SLC4A8: variants seen among roughly 807,000 people sequenced by gnomAD.
The protein encoded by SLC4A8 is solute carrier family 4 member 8.
Under a neutral mutation model 125.0 loss-of-function variants are expected in SLC4A8, and 40 were observed. The ratio of observed to expected loss-of-function variants is 0.32; its 90% CI spans 0.25 to 0.42. The LOEUF (loss-of-function observed/expected upper bound fraction) is 0.42. Among genes scored for constraint, SLC4A8 ranks in the 10% least tolerant of loss-of-function variants. The probability of loss-of-function intolerance (pLI) is 1.00; values close to 1 mark genes in which losing one functional copy is unlikely to be tolerated. For synonymous variants in SLC4A8, 456 were observed against 476.0 expected, an observed-to-expected ratio of 0.96 and a Z score of 0.55; for missense variants, 863 against 1,355.1, an observed-to-expected ratio of 0.64 and a Z score of 5.70.
At chr12:51,425,272 G>A (rs1385731959) in intron 1 of SLC4A8, 2 of 1,311,008 alleles carry the variant, frequency 1.5e-6, no homozygotes, top group Non-Finnish European at 9.7e-7. Flanking sequence ...CGCATCCCTT[G>A]CGCCGCCCGC....
intron 17 of SLC4A8, among the ~76,000 whole-genome samples, chr12:51,486,411 G>A (rs936820547): frequency 1.3e-4 from 20 of 152,238 alleles, no homozygotes; most frequent in Admixed American, 3.3e-4. Flanking sequence ...GGCCCCTGCC[G>A]GAGTAATCAT....
intron 16 of SLC4A8, chr12:51,480,221 G>A (rs1447652059): frequency 4.2e-5 from 53 of 1,258,268 alleles, no homozygotes; most frequent in Non-Finnish European, 5.5e-5. Context: ...TTACAAGCAT[G>A]AGCCTGGCCA....
chr12:51,447,714 C>CTTTT (rs1239053396), intron 2 of SLC4A8, among the ~76,000 whole-genome samples: 5 of 125,678 alleles, frequency 4.0e-5, no homozygotes, highest in African/African-American at 5.9e-5. Context: ...GGGATTTCCA[C>CTTTT]TTTTTTTTTT....
At chr12:51,478,197 C>T (rs1592251180) in intron 16 of SLC4A8, among the ~76,000 whole-genome samples, 2 of 151,862 alleles carry the variant, frequency 1.3e-5, no homozygotes, top group East Asian at 3.9e-4. Context: ...ATGGCATGAA[C>T]CTGAGAGGCG....
intron 17 of SLC4A8, 106 bp downstream of exon 17, chr12:51,486,006 C>T (rs1951153712): frequency 7.7e-6 from 5 of 651,054 alleles, no homozygotes; most frequent in Non-Finnish European, 1.4e-5. Flanking sequence ...TTTTACAGTC[C>T]CCTAAATCTG....
At chr12:51,493,955 A>T in intron 20 of SLC4A8, among the ~76,000 whole-genome samples, 183 bp downstream of exon 20, 1 of 152,240 alleles carries the variant, frequency 6.6e-6, no homozygotes. Flanking sequence ...TGTTGGCAGG[A>T]GAGTACAGAG....
chr12:51,501,028 A>G (rs1937854415), intron 22 of SLC4A8, among the ~76,000 whole-genome samples: 2 of 152,146 alleles, frequency 1.3e-5, no homozygotes, highest in African/African-American at 4.8e-5. Flanking sequence ...ACCGGGTTTC[A>G]CGGTGATAGC....
At position 51,450,993 on chromosome 12, in the gene SLC4A8, G is replaced by T; in HGVS notation, c.248G>T (p.Gly83Val). 6.4e-6 allele frequency: 10 copies of T among 1,557,866 alleles called. No homozygotes were observed. The highest frequency in any genetic ancestry group is 8.7e-6 in the Non-Finnish European group (10 of 1,149,534). ...GGGCGGGGCAAAGGAGCCAGCCAGG[G>T]GGAGGAAGGCCTGGAAGCCCTGGCC... ...RRGRGKGASQ[G>V]EEGLEALAHD... The change falls in exon 3 of 25, where the codon GGG becomes GTG. Residue 83 changes from glycine to valine, a missense_variant. Gly to Val is a moderately radical substitution (Grantham distance 109, BLOSUM62 -3). Around this residue, in one of 6 missense-constraint regions of SLC4A8, gnomAD observed 104 missense variants for 116.4 expected, o/e 0.89. Transcript: ENST00000453097.
intron 14 of SLC4A8, among the ~76,000 whole-genome samples, chr12:51,474,026 AAAAAAAC>A (rs1458392456): frequency 1.0e-3 from 21 of 20,812 alleles, no homozygotes; most frequent in African/African-American, 1.7e-3. Context: ...GGGCAAAAAC[AAAAAAAC>A]AAAACAAAAA....
intron 7 of SLC4A8, 99 bp from the exon 8 acceptor site, chr12:51,459,852 T>A: frequency 1.0e-6 from 1 of 1,004,174 alleles, no homozygotes; most frequent in Non-Finnish European, 1.5e-6. Context: ...GTGGGTGATG[T>A]AGTGAGACTC....
intron 19 of SLC4A8, among the ~76,000 whole-genome samples, chr12:51,491,562 G>T (rs972759298): frequency 6.6e-6 from 1 of 152,174 alleles, no homozygotes; most frequent in Admixed American, 6.5e-5. Flanking sequence ...TATCTGACAA[G>T]AGCAGAGTCA....
chr12:51,442,198 G>T (rs1170270218), intron 2 of SLC4A8, among the ~76,000 whole-genome samples: 1 of 152,184 alleles, frequency 6.6e-6, no homozygotes, highest in Non-Finnish European at 1.5e-5. Flanking sequence ...CACACAGCCT[G>T]CAAGAGAGGA....
intron 12 of SLC4A8, among the ~76,000 whole-genome samples, chr12:51,470,115 A>G (rs780402984): frequency 6.6e-6 from 1 of 152,204 alleles, no homozygotes. Context: ...GAATGGTATC[A>G]CTGTGCTTTC....
chr12:51,489,711 C>G lies in SLC4A8; in HGVS notation c.2460C>G (p.Gly820=), dbSNP rs764304002. Residue 820 remains glycine, a synonymous_variant, in exon 19 of 25, where the codon GGC becomes GGG. Coordinates refer to ENST00000453097, the MANE Select transcript of SLC4A8 (RefSeq NM_001039960.3). ...CTGTTTCCCCACAGAAAGGCTGTGG[C>G]TACCACCTGGACCTACTGATGGTGG... ...RKEHKLKKGC[G]YHLDLLMVAI... 2 of 1,614,040 alleles carry G rather than the reference C, an allele frequency of 1.2e-6. No homozygotes were observed. The highest frequency in any genetic ancestry group is 1.7e-6 in the Non-Finnish European group (2 of 1,180,000).
At chr12:51,435,494 G>A (rs914917483) in intron 1 of SLC4A8, among the ~76,000 whole-genome samples, 2 of 152,092 alleles carry the variant, frequency 1.3e-5, no homozygotes, top group South Asian at 2.1e-4. Context: ...GTGGTGGCTC[G>A]CGCCTGTAAT....
chr12:51,490,480 G>A (rs769059460), intron 19 of SLC4A8, among the ~76,000 whole-genome samples: 17 of 150,724 alleles, frequency 1.1e-4, no homozygotes, highest in African/African-American at 2.2e-4. Context: ...GGAGAATGGC[G>A]TGAACCCAGG....
At chr12:51,496,082 C>G (rs951639488) in intron 21 of SLC4A8, among the ~76,000 whole-genome samples, 1 of 152,120 alleles carries the variant, frequency 6.6e-6, no homozygotes, top group Non-Finnish European at 1.5e-5. Flanking sequence ...GTGGGTTTCT[C>G]AATTTTGTCA....
chr12:51,463,537 C>A, intron 10 of SLC4A8, 77 bp from the exon 11 acceptor site: 2 of 1,080,674 alleles, frequency 1.9e-6, no homozygotes, highest in Non-Finnish European at 2.8e-6. Context: ...TTGGGTTATC[C>A]CATTCCCACT....
intron 22 of SLC4A8, among the ~76,000 whole-genome samples, chr12:51,500,802 T>G (rs1281289329): frequency 4.4e-4 from 67 of 151,702 alleles, no homozygotes; most frequent in Non-Finnish European, 2.9e-5. Flanking sequence ...TTCTCCTGCC[T>G]CAGCCTCCCG....
Sources: gnomAD v4.1 joint callset for allele counts (sites outside exome capture counted in the v4.1 genomes callset) on GRCh38, gnomAD v4.1.1 for gene constraint, gnomAD v4.1.1 regional missense constraint, MANE v1.5 for transcripts, NCBI Gene and HGNC (gene_info 2026-07-23, HGNC 2026-07-21) for gene names.